SNRPN: variants seen among roughly 807,000 people sequenced by gnomAD.
The protein encoded by SNRPN is small nuclear ribonucleoprotein-associated protein N.
In SNRPN, 7 loss-of-function variants were observed where a neutral mutation model predicts 25.2. That is an observed-to-expected ratio of 0.28 (90% CI 0.16 to 0.52). The LOEUF (loss-of-function observed/expected upper bound fraction) is 0.52. Ranked by LOEUF, SNRPN falls within the 20% of genes least tolerant of loss-of-function variation. SNRPN has a pLI of 0.96. For missense variants in SNRPN, 196 were observed against 322.5 expected (o/e 0.61, Z 3.00); for synonymous variants, 124 against 110.6 (o/e 1.12, Z -0.76).
chr15:24,956,076 GC>G (rs1490493017), intron 1 of SNRPN, among the ~76,000 whole-genome samples: 1 of 152,126 alleles, frequency 6.6e-6, no homozygotes, highest in African/African-American at 2.4e-5. Flanking sequence ...CTGCAGAAAT[GC>G]GTGGAATCCT....
At chr15:24,836,471 G>A (rs1283962019) in intron 2 of SNRPN, among the ~76,000 whole-genome samples, 3 of 151,818 alleles carry the variant, frequency 2.0e-5, no homozygotes, top group African/African-American at 4.9e-5. Context: ...GAGTGCAGTG[G>A]TGTGATCTCT....
chr15:24,966,898 A>T (rs1158996897), intron 2 of SNRPN: 2 of 152,048 alleles, frequency 1.3e-5, no homozygotes, highest in Non-Finnish European at 2.9e-5. Flanking sequence ...TCATCATCAG[A>T]TTTCACAGCC....
At chr15:24,838,830 C>T (rs1359089455) in intron 2 of SNRPN, among the ~76,000 whole-genome samples, 2 of 152,074 alleles carry the variant, frequency 1.3e-5, no homozygotes, top group Admixed American at 6.5e-5. Context: ...CACCCTGGTC[C>T]TCCCTGATCC....
intron 2 of SNRPN, among the ~76,000 whole-genome samples, chr15:24,842,013 G>A (rs1014546979): frequency 6.6e-6 from 1 of 152,058 alleles, no homozygotes; most frequent in Non-Finnish European, 1.5e-5. Flanking sequence ...CTGTGGGGAG[G>A]AGAGTGACAT....
At position 24,925,360 on chromosome 15, in the gene SNRPN, A is replaced by G. The variant is rs560976701; in HGVS notation, c.-391+5236A>G. Among the ~76,000 whole-genome samples the G allele has an allele frequency of 7.9e-5, 12 of 152,182 alleles. No homozygotes were observed. The South Asian group carries it at 2.1e-3, about 26-fold the overall frequency. ...CAGGCATGGTGGCTCACACTTGTAC[A>G]GCACTTTGGGAGGCTGAGATGGGAA... is the stretch of plus-strand genomic sequence containing the variant. On this transcript the variant is annotated intron_variant, in intron 3 of 11. Coordinates refer to the SNRPN transcript ENST00000400097.
intron 6 of SNRPN, among the ~76,000 whole-genome samples, chr15:24,976,639 G>T (rs1350592227): frequency 6.6e-6 from 1 of 152,142 alleles, no homozygotes; most frequent in Non-Finnish European, 1.5e-5. Context: ...GGTAGGAGTT[G>T]GTGATTCATG....
chr15:24,977,579 A>C (rs2077209854), intron 7 of SNRPN, among the ~76,000 whole-genome samples, 199 bp from the exon 8 acceptor site: 1 of 152,160 alleles, frequency 6.6e-6, no homozygotes, highest in African/African-American at 2.4e-5. Context: ...GGGAGGCTGC[A>C]GTGAGCTGAG....
chr15:24,871,438 T>C (rs1369521931), intron 1 of SNRPN, among the ~76,000 whole-genome samples: 1 of 152,008 alleles, frequency 6.6e-6, no homozygotes, highest in Non-Finnish European at 1.5e-5. Context: ...CAGTCTGTCA[T>C]CTTTTCAAAC....
At chr15:24,952,140 G>A (rs931852355), upstream of SNRPN, among the ~76,000 whole-genome samples, 2 of 151,632 alleles carry the variant, frequency 1.3e-5, no homozygotes, top group African/African-American at 4.8e-5. Context: ...TTTATACATA[G>A]GTATATATGT....
intron 2 of SNRPN, chr15:24,848,381 T>C (rs1003873981): frequency 1.3e-5 from 2 of 152,432 alleles, no homozygotes; most frequent in African/African-American, 2.4e-5. Context: ...TGGCGCCCGC[T>C]GGGAGTGTCT....
At chr15:24,959,787 T>C (rs543411699) in intron 1 of SNRPN, among the ~76,000 whole-genome samples, 83 of 152,356 alleles carry the variant, frequency 5.4e-4, no homozygotes, top group African/African-American at 1.9e-3. Flanking sequence ...TGATGGACAT[T>C]TGAGTTGTTT....
At chr15:24,876,582 G>A (rs984806342) in intron 1 of SNRPN, among the ~76,000 whole-genome samples, 1 of 143,654 alleles carries the variant, frequency 7.0e-6, no homozygotes, top group Admixed American at 7.2e-5. Context: ...GCTCCACTGC[G>A]CTCCAGCCTG....
upstream of SNRPN, chr15:24,954,859 G>A: frequency 1.3e-6 from 1 of 747,466 alleles, no homozygotes; most frequent in Non-Finnish European, 2.2e-6. Flanking sequence ...GGTCATTCCG[G>A]TGAGGGAGGG....
chr15:24,906,435 A>G (rs2151875123), intron 2 of SNRPN, among the ~76,000 whole-genome samples: 1 of 152,296 alleles, frequency 6.6e-6, no homozygotes, highest in Non-Finnish European at 1.5e-5. Flanking sequence ...ACATGGCTGG[A>G]AAAATCTATT....
intron 1 of SNRPN, among the ~76,000 whole-genome samples, chr15:24,878,259 C>A (rs907120418): frequency 6.6e-6 from 1 of 152,236 alleles, no homozygotes; most frequent in African/African-American, 2.4e-5. Context: ...TGAAGCCCCA[C>A]GGGTCTCACT....
chr15:24,848,213 G>GGGGGGCGGGGGCTGCGGC (rs2052385303), intron 2 of SNRPN: 1 of 110,884 alleles, frequency 9.0e-6, no homozygotes, highest in Non-Finnish European at 2.1e-5. Context: ...GGACGGAGCT[G>GGGGGGCGGGGGCTGCGGC]GGGGGCGGGG....
chr15:24,952,157 G>A (rs1232086599), upstream of SNRPN, among the ~76,000 whole-genome samples: 1 of 151,890 alleles, frequency 6.6e-6, no homozygotes. Flanking sequence ...ATGTGTACCT[G>A]TATACATATA....
At chr15:24,969,048 CT>C (rs1198563136) in intron 3 of SNRPN, among the ~76,000 whole-genome samples, 1 of 152,084 alleles carries the variant, frequency 6.6e-6, no homozygotes, top group South Asian at 2.1e-4. Context: ...TCCTTCTAGC[CT>C]TTTTTTAAGT....
At chr15:24,871,853 C>T (rs959011022) in intron 1 of SNRPN, among the ~76,000 whole-genome samples, 3 of 120,430 alleles carry the variant, frequency 2.5e-5, no homozygotes, top group South Asian at 3.0e-4. Context: ...TACAGGCGCC[C>T]ACCACCACGC....
Sources: allele counts gnomAD v4.1 joint callset (sites outside exome capture counted in the v4.1 genomes callset), GRCh38; gene constraint gnomAD v4.1.1; transcripts MANE v1.5; gene names NCBI Gene and HGNC (gene_info 2026-07-23, HGNC 2026-07-21).